HERC2: variants seen among roughly 807,000 people sequenced by gnomAD.
HERC2 encodes the protein E3 ubiquitin-protein ligase HERC2.
Under a neutral mutation model 537.7 loss-of-function variants are expected in HERC2, and 102 were observed. That is an observed-to-expected ratio of 0.19 (90% CI 0.16 to 0.22). The LOEUF is 0.22. Ranked by LOEUF, HERC2 falls within the 10% of genes least tolerant of loss-of-function variation. HERC2 has a pLI of 1.00. For synonymous variants in HERC2, 2,224 were observed against 2,466.2 expected, an observed-to-expected ratio of 0.90 and a Z score of 2.91; for missense variants, 4,236 against 6,198.2, an observed-to-expected ratio of 0.68 and a Z score of 10.63.
In HERC2 at chr15:28,191,226, T is replaced by C. The variant is rs1175849001; in HGVS notation, c.8470A>G (p.Ile2824Val). 1.2e-6 allele frequency: 2 copies of C among 1,612,152 alleles called. No homozygotes were observed. Among genetic ancestry groups the C allele is most frequent in the African/African-American group, 1.3e-5 (1 of 74,804 alleles). The change falls in exon 54 of 93, where the codon ATT (isoleucine) becomes GTT (valine). Residue 2824 changes from isoleucine (I) to valine (V), a missense_variant. Around this residue, in one of 27 missense-constraint regions of HERC2, gnomAD observed 606 missense variants for 884.5 expected, o/e 0.69. Transcript: ENST00000261609. ...SQGKHWIRLE[I>V]FPDVLVHRLK... ...CTATGAACAAGAACATCTGGGAAAA[T>C]CTCCAAACGAATCCAGTGCTTTAGA... is the stretch of plus-strand genomic sequence containing the variant.
chr15:28,138,721 T>C (rs1481836950), intron 78 of HERC2, among the ~76,000 whole-genome samples: 1 of 152,106 alleles, frequency 6.6e-6, no homozygotes, highest in Non-Finnish European at 1.5e-5. Flanking sequence ...TGCAGCCACA[T>C]GGATCAAGGA....
At chr15:28,221,461 C>T (rs543553558) in intron 36 of HERC2, among the ~76,000 whole-genome samples, 2 of 149,740 alleles carry the variant, frequency 1.3e-5, no homozygotes, top group Admixed American at 1.3e-4. Flanking sequence ...GGCTTACCAG[C>T]GTGGCTGAGA....
chr15:28,117,396 A>C, intron 86 of HERC2: 1 of 697,672 alleles, frequency 1.4e-6, no homozygotes, highest in Non-Finnish European at 2.6e-6. Flanking sequence ...AGCAGCCCCC[A>C]GGACTAGTGT....
chr15:28,128,968 C>G (rs1312483617), intron 83 of HERC2, among the ~76,000 whole-genome samples: 1 of 152,206 alleles, frequency 6.6e-6, no homozygotes, highest in Non-Finnish European at 1.5e-5. Flanking sequence ...TTTCTACTAC[C>G]TCTTCAGTCA....
intron 86 of HERC2, chr15:28,117,965 G>T (rs1003749625): frequency 2.0e-5 from 5 of 244,854 alleles, no homozygotes; most frequent in African/African-American, 9.1e-5. Flanking sequence ...ATGGTCCTGA[G>T]AATGTATTTT....
intron 57 of HERC2, among the ~76,000 whole-genome samples, chr15:28,182,098 A>G (rs1292805181): frequency 6.6e-6 from 1 of 152,200 alleles, no homozygotes; most frequent in Non-Finnish European, 1.5e-5. Flanking sequence ...TGTTCATGAT[A>G]GTCAAAAATG....
intron 69 of HERC2, 67 bp downstream of exon 69, chr15:28,163,027 T>G: frequency 2.3e-6 from 3 of 1,328,578 alleles, no homozygotes; most frequent in Non-Finnish European, 3.1e-6. Flanking sequence ...CAGCTCTCCT[T>G]TGGAGAGGAG....
chr15:28,182,361 G>A (rs377596158), intron 57 of HERC2, 40 bp downstream of exon 57: 41 of 1,309,768 alleles, frequency 3.1e-5, no homozygotes, highest in South Asian at 7.1e-5. Flanking sequence ...GGCTGCTGCC[G>A]AGTGCCCCAC....
At chr15:28,151,950 G>C (rs547213217) in intron 70 of HERC2, among the ~76,000 whole-genome samples, 11 of 152,324 alleles carry the variant, frequency 7.2e-5, no homozygotes, top group Non-Finnish European at 1.3e-4. Flanking sequence ...AAATAAGCAA[G>C]AAATGATTCC....
At chr15:28,172,684 T>C (rs1339621146) in intron 65 of HERC2, among the ~76,000 whole-genome samples, 1 of 152,184 alleles carries the variant, frequency 6.6e-6, no homozygotes, top group Non-Finnish European at 1.5e-5. Flanking sequence ...AGAAGGAGAA[T>C]CTTTATAATC....
intron 19 of HERC2, among the ~76,000 whole-genome samples, chr15:28,255,163 T>C (rs1439965903): frequency 3.9e-5 from 6 of 152,046 alleles, no homozygotes; most frequent in African/African-American, 9.7e-5. Context: ...TAGTAACACC[T>C]TGTCTCTACA....
intron 3 of HERC2, among the ~76,000 whole-genome samples, chr15:28,297,146 G>C (rs2076491799): frequency 1.3e-5 from 2 of 152,234 alleles, no homozygotes; most frequent in South Asian, 2.1e-4. Context: ...CTAAGTAGGA[G>C]AGTTTTACTT....
At position 28,175,559 on chromosome 15, in the gene HERC2, C is replaced by A. The variant is rs780785823; in HGVS notation, c.9784G>T (p.Val3262Leu). The change falls in exon 64 of 93, where the codon GTG (valine) becomes TTG (leucine). Residue 3262 changes from valine to leucine, a missense_variant. Around this residue, in one of 27 missense-constraint regions of HERC2, gnomAD observed 93 missense variants for 265.1 expected, o/e 0.35. Coordinates refer to ENST00000261609, the MANE Select transcript of HERC2 (RefSeq NM_004667.6). ...EGLRGKKIVH[V>L]AVGALHCLAV... ...AGGCAGTGCAGGGCCCCGACAGCCA[C>A]ATGCACGATCTTCTTCCCTCTCAGC... 2 of 1,614,078 alleles carry A rather than the reference C, an allele frequency of 1.2e-6. No homozygotes were observed. Among genetic ancestry groups the A allele is most frequent in the Non-Finnish European group, 1.7e-6 (2 of 1,179,958 alleles).
intron 17 of HERC2, 93 bp downstream of exon 17, chr15:28,256,968 G>C (rs555993119): frequency 9.5e-7 from 1 of 1,056,332 alleles, no homozygotes; most frequent in Admixed American, 2.1e-5. Flanking sequence ...TCACCGAACA[G>C]GCTAAAACCC....
At position 28,135,645 on chromosome 15, in the gene HERC2, C is replaced by A; in HGVS notation, c.12063G>T (p.Gly4021=). 1 of 1,614,146 alleles carries A rather than the reference C, an allele frequency of 6.2e-7. No homozygotes were observed. Among genetic ancestry groups the A allele is most frequent in the South Asian group, 1.1e-5 (1 of 91,080 alleles). ...YGAGGRLGIG[G]TESVSTPTLL... Reference sequence around the variant, plus strand: ...ATGTTGGGGTGGACACCGACTCTGTCCCTCCAATGCCTAGTCTGCCACCTG... The same window carrying A: ...ATGTTGGGGTGGACACCGACTCTGTACCTCCAATGCCTAGTCTGCCACCTG... The change falls in exon 79 of 93, where the codon GGG becomes GGT. Residue 4021 remains glycine, a synonymous_variant. Coordinates refer to ENST00000261609, the MANE Select transcript of HERC2 (RefSeq NM_004667.6).
intron 35 of HERC2, among the ~76,000 whole-genome samples, chr15:28,222,528 T>C (rs1021855534): frequency 6.6e-6 from 1 of 152,182 alleles, no homozygotes; most frequent in Non-Finnish European, 1.5e-5. Context: ...ATTCATCATA[T>C]TTTTTATTAA....
intron 2 of HERC2, among the ~76,000 whole-genome samples, chr15:28,317,921 T>A (rs1473747120): frequency 1.3e-5 from 2 of 152,178 alleles, no homozygotes; most frequent in Admixed American, 6.5e-5. Flanking sequence ...AAAAGTTTTT[T>A]AAAAAATTGC....
intron 79 of HERC2, among the ~76,000 whole-genome samples, chr15:28,134,498 T>C (rs1438610436): frequency 2.6e-5 from 4 of 152,208 alleles, no homozygotes; most frequent in Non-Finnish European, 4.4e-5. Context: ...TTGCACAATG[T>C]TGAAGAGAAG....
At chr15:28,252,206 G>A (rs544558084) in intron 20 of HERC2, among the ~76,000 whole-genome samples, 70 of 152,232 alleles carry the variant, frequency 4.6e-4, no homozygotes, top group Non-Finnish European at 8.5e-4. Context: ...ACGGTGTTGA[G>A]TGTAGCCAGA....
Sources: allele counts gnomAD v4.1 joint callset (sites outside exome capture counted in the v4.1 genomes callset), GRCh38; gene constraint gnomAD v4.1.1; regional missense constraint gnomAD v4.1.1; transcripts MANE v1.5; gene names NCBI Gene and HGNC (gene_info 2026-07-23, HGNC 2026-07-21).